GRM1: variants seen among roughly 807,000 people sequenced by gnomAD.
GRM1 encodes glutamate metabotropic receptor 1, also known as metabotropic glutamate receptor 1.
GRM1 carries 33 observed loss-of-function variants against 90.9 expected under a neutral mutation model. The ratio of observed to expected loss-of-function variants is 0.36; its 90% CI spans 0.28 to 0.49. GRM1 has a LOEUF of 0.49. Ranked by LOEUF, GRM1 falls within the 20% of genes least tolerant of loss-of-function variation. GRM1 has a pLI of 0.99. For missense variants in GRM1, 1,190 were observed against 1,534.3 expected (o/e 0.78, Z 3.75); for synonymous variants, 700 against 613.2 (o/e 1.14, Z -2.09).
At chr6:146,175,015 G>A (rs992113332) in intron 2 of GRM1, among the ~76,000 whole-genome samples, 1 of 152,064 alleles carries the variant, frequency 6.6e-6, no homozygotes, top group Non-Finnish European at 1.5e-5. Context: ...AGAGAGAGAG[G>A]GGAGAACATC....
At chr6:146,288,274 G>A (rs1242427286) in intron 2 of GRM1, among the ~76,000 whole-genome samples, 1 of 152,124 alleles carries the variant, frequency 6.6e-6, no homozygotes, top group Non-Finnish European at 1.5e-5. Context: ...TATAGGCAAT[G>A]CTGGAGAGGG....
At chr6:146,250,414 G>T (rs1216847795) in intron 2 of GRM1, among the ~76,000 whole-genome samples, 5 of 152,176 alleles carry the variant, frequency 3.3e-5, no homozygotes, top group Non-Finnish European at 5.9e-5. Context: ...TTTCATGATA[G>T]TGAGTGAGTT....
rs78987740 is a variant in GRM1 at position 146,305,233 on chromosome 6, G to A, written c.1186+387G>A. Among the ~76,000 whole-genome samples, 1,351 of 152,118 alleles carry A rather than the reference G, an allele frequency of 8.9e-3. 19 individuals carry two copies. Among genetic ancestry groups the A allele is most frequent in the African/African-American group, 0.03 (1,246 of 41,470 alleles). ...TTTCTTTGTGGCTTGTTTAGATACA[G>A]AAGTCAGGAGAAGATGAGGTAATGT... is the stretch of plus-strand genomic sequence containing the variant. On this transcript the variant is annotated intron_variant, in intron 3 of 7. Coordinates refer to ENST00000282753, the MANE Select transcript of GRM1 (RefSeq NM_001278064.2).
At chr6:146,414,407 T>TTATTATTATTA (rs1562682696) in intron 7 of GRM1, among the ~76,000 whole-genome samples, 1 of 66,424 alleles carries the variant, frequency 1.5e-5, no homozygotes, top group African/African-American at 1.0e-4. Flanking sequence ...TATTATTATT[T>TTATTATTATTA]TTGTTGTTGT....
At chr6:146,170,930 A>C (rs1778096824) in intron 2 of GRM1, among the ~76,000 whole-genome samples, 1 of 151,754 alleles carries the variant, frequency 6.6e-6, no homozygotes, top group South Asian at 2.1e-4. Context: ...CTGGGGCTTG[A>C]TTTTGTTATT....
At chr6:146,047,725 T>G (rs1791386103) in intron 1 of GRM1, among the ~76,000 whole-genome samples, 1 of 152,004 alleles carries the variant, frequency 6.6e-6, no homozygotes, top group Admixed American at 6.6e-5. Flanking sequence ...TCTCTGCCTT[T>G]TGCAGTGTAT....
chr6:146,226,695 T>C (rs1780252543), intron 2 of GRM1, among the ~76,000 whole-genome samples: 1 of 152,160 alleles, frequency 6.6e-6, no homozygotes, highest in African/African-American at 2.4e-5. Context: ...AATTGATCGG[T>C]AGGTGGATGG....
chr6:146,321,267 T>C (rs1434626698), intron 3 of GRM1, among the ~76,000 whole-genome samples: 5 of 152,184 alleles, frequency 3.3e-5, no homozygotes, highest in African/African-American at 7.2e-5. Flanking sequence ...TCAGTTTCCA[T>C]GTAGTTGTGC....
At chr6:146,323,417 G>A (rs147097250) in intron 3 of GRM1, among the ~76,000 whole-genome samples, 1,743 of 152,138 alleles carry the variant, frequency 0.011, 72 homozygotes, top group East Asian at 0.08. Context: ...CATATCCTTC[G>A]CCCACTTTTT....
chr6:146,173,791 C>T (rs1778235209), intron 2 of GRM1, among the ~76,000 whole-genome samples: 3 of 151,862 alleles, frequency 2.0e-5, no homozygotes, highest in Admixed American at 6.6e-5. Context: ...CTCAGCCTCC[C>T]AAGTAGCTGG....
chr6:146,227,307 G>A (rs891686624), intron 2 of GRM1, among the ~76,000 whole-genome samples: 1 of 151,988 alleles, frequency 6.6e-6, no homozygotes, highest in African/African-American at 2.4e-5. Context: ...GGGGTTTGGG[G>A]ATGAACCTAC....
intron 2 of GRM1, among the ~76,000 whole-genome samples, chr6:146,165,272 T>C (rs976678781): frequency 5.3e-5 from 8 of 152,276 alleles, no homozygotes; most frequent in Non-Finnish European, 7.4e-5. Context: ...GGTCTTTTTC[T>C]TTCAGAACAC....
intron 1 of GRM1, among the ~76,000 whole-genome samples, chr6:146,055,075 C>T (rs1775434214): frequency 6.6e-6 from 1 of 152,064 alleles, no homozygotes. Flanking sequence ...CTTGTTCATA[C>T]TGTGTTACGG....
chr6:146,316,153 G>A (rs1158658345), intron 3 of GRM1, among the ~76,000 whole-genome samples: 1 of 152,188 alleles, frequency 6.6e-6, no homozygotes, highest in Non-Finnish European at 1.5e-5. Flanking sequence ...GACCCTAGGA[G>A]AGAATGTTCC....
intron 2 of GRM1, among the ~76,000 whole-genome samples, chr6:146,255,936 G>A (rs1781462183): frequency 2.0e-5 from 3 of 152,128 alleles, no homozygotes; most frequent in Admixed American, 6.6e-5. Context: ...TCCAAGATGT[G>A]TATTTGTTTC....
At chr6:146,118,063 G>A (rs886482336) in intron 1 of GRM1, among the ~76,000 whole-genome samples, 1 of 151,172 alleles carries the variant, frequency 6.6e-6, no homozygotes, top group East Asian at 1.9e-4. Flanking sequence ...AAAGATGCAT[G>A]AGTAGCAAAC....
chr6:146,372,832 T>C (rs921610660), intron 5 of GRM1, among the ~76,000 whole-genome samples: 21 of 152,162 alleles, frequency 1.4e-4, no homozygotes, highest in Non-Finnish European at 2.8e-4. Context: ...CCTGTTTTTA[T>C]GCCAGTACTC....
chr6:146,073,331 A>G (rs1409793518), intron 1 of GRM1, among the ~76,000 whole-genome samples: 1 of 152,170 alleles, frequency 6.6e-6, no homozygotes, highest in East Asian at 1.9e-4. Context: ...TAGAACACAC[A>G]TAGTTAAAGC....
intron 3 of GRM1, among the ~76,000 whole-genome samples, chr6:146,335,184 G>A (rs1018476238): frequency 2.6e-5 from 4 of 152,136 alleles, no homozygotes; most frequent in Non-Finnish European, 5.9e-5. Context: ...ATATCTTCAT[G>A]AATATTGTAA....
Sources: gnomAD v4.1 joint callset for allele counts (sites outside exome capture counted in the v4.1 genomes callset) on GRCh38, gnomAD v4.1.1 for gene constraint, MANE v1.5 for transcripts, NCBI Gene and HGNC (gene_info 2026-07-23, HGNC 2026-07-21) for gene names.